The following POPDC1 variants were observed in gnomAD, a reference collection of about 807,000 sequenced individuals.
POPDC1 encodes popeye domain-containing protein 1.
the POPDC1 span, among the ~76,000 whole-genome samples, chr6:105,104,828 C>CA: frequency 6.6e-6 from 1 of 152,184 alleles, no homozygotes; most frequent in South Asian, 2.1e-4. Context: ...CCACAAGGTG[C>CA]TAGGACAATG....
the POPDC1 span, chr6:105,097,821 G>C: frequency 6.6e-6 from 1 of 152,180 alleles, no homozygotes; most frequent in Admixed American, 6.5e-5. Flanking sequence ...GGGAGAAATG[G>C]AGAAGATTCC....
the POPDC1 span, chr6:105,129,588 C>CT: frequency 1.5e-6 from 2 of 1,311,604 alleles, no homozygotes; most frequent in Non-Finnish European, 1.0e-6. Context: ...TCTATATATA[C>CT]AGTAGTCCTC....
chr6:105,117,500 C>A, the POPDC1 span, among the ~76,000 whole-genome samples: 2 of 152,124 alleles, frequency 1.3e-5, no homozygotes, highest in African/African-American at 4.8e-5. Context: ...AAATCATACC[C>A]CCTTTCCTTC....
At chr6:105,129,872 A>G in the POPDC1 span, among the ~76,000 whole-genome samples, 1 of 152,178 alleles carries the variant, frequency 6.6e-6, no homozygotes, top group African/African-American at 2.4e-5. Flanking sequence ...GGTATTTTCC[A>G]TTTAATATTA....
At chr6:105,102,517 G>C in the POPDC1 span, among the ~76,000 whole-genome samples, 2 of 152,214 alleles carry the variant, frequency 1.3e-5, no homozygotes, top group African/African-American at 4.8e-5. Flanking sequence ...TATGGCACAG[G>C]GGGAGGGAGC....
the POPDC1 span, among the ~76,000 whole-genome samples, chr6:105,122,119 T>C: frequency 3.9e-5 from 6 of 152,224 alleles, no homozygotes; most frequent in Non-Finnish European, 8.8e-5. Context: ...TTTATTACTC[T>C]TGAGGATCTG....
the POPDC1 span, among the ~76,000 whole-genome samples, chr6:105,112,014 T>C: frequency 2.0e-5 from 3 of 152,106 alleles, no homozygotes; most frequent in Admixed American, 1.3e-4. Flanking sequence ...CTCAGCAAAA[T>C]TCCAGAAGGT....
At chr6:105,100,299 G>T in the POPDC1 span, 1 of 151,824 alleles carries the variant, frequency 6.6e-6, no homozygotes, top group African/African-American at 2.4e-5. Flanking sequence ...CACGAGGTCA[G>T]GAGATCGAGA....
the POPDC1 span, among the ~76,000 whole-genome samples, chr6:105,125,839 G>C: frequency 1.3e-5 from 2 of 152,040 alleles, no homozygotes; most frequent in East Asian, 1.9e-4. Context: ...GAGGTGGGAG[G>C]AGCACTTGAG....
the POPDC1 span, among the ~76,000 whole-genome samples, chr6:105,111,913 G>A: frequency 9.9e-5 from 15 of 152,124 alleles, no homozygotes; most frequent in African/African-American, 2.9e-4. Flanking sequence ...CTTTAAAGTA[G>A]TGCCTTTACC....
the POPDC1 span, chr6:105,100,471 C>T: frequency 1.3e-5 from 2 of 150,446 alleles, no homozygotes; most frequent in African/African-American, 4.9e-5. Flanking sequence ...GAATGTGCCA[C>T]TACACTCCAG....
At chr6:105,119,537 T>C in the POPDC1 span, among the ~76,000 whole-genome samples, 1 of 152,280 alleles carries the variant, frequency 6.6e-6, no homozygotes, top group Non-Finnish European at 1.5e-5. Context: ...GGAAGGCAAC[T>C]GAAAAATATT....
At chr6:105,102,180 G>A in the POPDC1 span, among the ~76,000 whole-genome samples, 1 of 152,198 alleles carries the variant, frequency 6.6e-6, no homozygotes, top group Non-Finnish European at 1.5e-5. Flanking sequence ...ACTCAGCTGG[G>A]GAGAAGGTTG....
the POPDC1 span, among the ~76,000 whole-genome samples, chr6:105,132,135 T>A: frequency 6.6e-6 from 1 of 152,106 alleles, no homozygotes; most frequent in African/African-American, 2.4e-5. Flanking sequence ...CTGGCTAATT[T>A]TTGTACTTTT....
chr6:105,114,078 C>T, the POPDC1 span, among the ~76,000 whole-genome samples: 4 of 152,120 alleles, frequency 2.6e-5, no homozygotes, highest in African/African-American at 9.7e-5. Flanking sequence ...GACAAGATGT[C>T]GAGGCAGAGA....
the POPDC1 span, among the ~76,000 whole-genome samples, chr6:105,106,023 TG>T: frequency 2.0e-5 from 3 of 152,206 alleles, no homozygotes; most frequent in Non-Finnish European, 4.4e-5. Flanking sequence ...TTTTTACAGT[TG>T]GGAGGCAGAG....
the POPDC1 span, chr6:105,100,257 C>T: frequency 1.1e-4 from 17 of 152,120 alleles, no homozygotes; most frequent in Admixed American, 1.0e-3. Flanking sequence ...CGCCTGTAAT[C>T]CCAGCACTCT....
At chr6:105,115,585 A>G in the POPDC1 span, 2 of 1,413,148 alleles carry the variant, frequency 1.4e-6, no homozygotes, top group South Asian at 2.9e-5. Flanking sequence ...CCTTTCAAAT[A>G]GTTACCTGCA....
the POPDC1 span, among the ~76,000 whole-genome samples, chr6:105,112,662 G>A: frequency 0.043 from 6,541 of 152,178 alleles, 469 homozygotes; most frequent in African/African-American, 0.15. Flanking sequence ...CACAAGGAAG[G>A]AATCAGGAGA....
Sources: gnomAD v4.1 joint callset for allele counts (sites outside exome capture counted in the v4.1 genomes callset) on GRCh38, gnomAD v4.1.1 for gene constraint, MANE v1.5 for transcripts, NCBI Gene and HGNC (gene_info 2026-07-23, HGNC 2026-07-21) for gene names.